The following PTPN4 variants were observed in gnomAD, a reference collection of about 807,000 sequenced individuals.
PTPN4 encodes the protein protein tyrosine phosphatase non-receptor type 4.
Under a neutral mutation model 135.5 loss-of-function variants are expected in PTPN4, and 49 were observed. That is an observed-to-expected ratio of 0.36 (90% CI 0.29 to 0.46). The LOEUF (loss-of-function observed/expected upper bound fraction) is 0.46. Among genes scored for constraint, PTPN4 ranks in the 20% least tolerant of loss-of-function variants. PTPN4 has a pLI of 1.00. For missense variants in PTPN4, 860 were observed against 1,101.0 expected, an observed-to-expected ratio of 0.78 and a Z score of 3.10; for synonymous variants, 333 against 369.9, an observed-to-expected ratio of 0.90 and a Z score of 1.14.
intron 3 of PTPN4, among the ~76,000 whole-genome samples, chr2:119,873,444 A>C (rs1677942464): frequency 6.6e-6 from 1 of 152,200 alleles, no homozygotes; most frequent in Admixed American, 6.5e-5. Flanking sequence ...ACGTTTTGGC[A>C]GATACAAAAA....
intron 2 of PTPN4, among the ~76,000 whole-genome samples, chr2:119,844,418 G>T (rs1247141641): frequency 6.7e-6 from 1 of 150,078 alleles, no homozygotes; most frequent in Non-Finnish European, 1.5e-5. Context: ...TTCCCAGATG[G>T]GGTGGCTGCT....
intron 1 of PTPN4, among the ~76,000 whole-genome samples, chr2:119,800,066 A>T (rs187432316): frequency 2.0e-4 from 30 of 152,274 alleles, no homozygotes; most frequent in Admixed American, 1.8e-3. Context: ...TTAAAGGAAA[A>T]ATGCGTAATG....
chr2:119,975,919 C>G (rs1253896417), intron 26 of PTPN4, among the ~76,000 whole-genome samples: 12 of 151,774 alleles, frequency 7.9e-5, no homozygotes, highest in Admixed American at 7.9e-4. Flanking sequence ...AGTCTCTGTC[C>G]CTCTCCTGCT....
chr2:119,945,033 C>G lies in PTPN4; in HGVS notation c.1356-48C>G, dbSNP rs780461555. On this transcript the variant is annotated intron_variant, in intron 15 of 26. Coordinates refer to ENST00000263708, the MANE Select transcript of PTPN4 (RefSeq NM_002830.4). ...AAATATGTGGGTTGCTTGACCCTAA[C>G]TTTTAAAAAAGTTATGAAACAACTT... The G allele has an allele frequency of 3.3e-6, 5 of 1,535,240 alleles. No homozygotes were observed. In the East Asian group the frequency reaches 1.2e-4, roughly 38 times the overall value.
intron 10 of PTPN4, among the ~76,000 whole-genome samples, chr2:119,913,269 T>C (rs1678600048): frequency 6.6e-6 from 1 of 152,166 alleles, no homozygotes; most frequent in African/African-American, 2.4e-5. Context: ...TTTTCAAACG[T>C]GGCTGCATCA....
chr2:119,840,285 T>C (rs1027029954), intron 2 of PTPN4, among the ~76,000 whole-genome samples: 1 of 152,156 alleles, frequency 6.6e-6, no homozygotes, highest in African/African-American at 2.4e-5. Context: ...CTCACAGGTC[T>C]CACAGGTGTT....
Position 119,977,226 on chromosome 2 carries a change from A to C in PTPN4, c.*156A>C. The stretch of plus-strand genomic sequence containing the variant: ...CAGCACTGTTGCACTTTATGTTTTA[A>C]AAAATGTCACTCTTTCAAAATCTAT... On this transcript the variant is annotated 3_prime_UTR_variant, in exon 27 of 27. Coordinates refer to ENST00000263708, the MANE Select transcript of PTPN4 (RefSeq NM_002830.4). 2 of 1,216,826 alleles carry C rather than the reference A, an allele frequency of 1.6e-6. No individual in the cohort carries two copies. Among genetic ancestry groups the C allele is most frequent in the Non-Finnish European group, 2.1e-6 (2 of 942,064 alleles). The allele number at this position is 1,216,826 out of a possible 1,614,324, so 75.4% of individuals were successfully genotyped here.
intron 10 of PTPN4, 63 bp downstream of exon 10, chr2:119,900,869 TA>T: frequency 1.0e-6 from 1 of 968,380 alleles, no homozygotes; most frequent in South Asian, 1.9e-5. Flanking sequence ...TAATTTATAT[TA>T]AAGGCAGTGG....
intron 1 of PTPN4, among the ~76,000 whole-genome samples, chr2:119,806,475 A>G (rs187309868): frequency 1.3e-3 from 200 of 152,344 alleles, no homozygotes; most frequent in African/African-American, 4.4e-3. Context: ...CAAAAGAGAC[A>G]AAGACGGCCA....
intron 2 of PTPN4, among the ~76,000 whole-genome samples, chr2:119,845,112 C>A (rs983076075): frequency 4.0e-5 from 6 of 148,640 alleles, no homozygotes; most frequent in South Asian, 4.3e-4. Flanking sequence ...CGTGGCGGCG[C>A]GAGCCTGCAA....
chr2:119,845,282 GAGAGGGA>G (rs1677478985), intron 2 of PTPN4, among the ~76,000 whole-genome samples: 1 of 142,828 alleles, frequency 7.0e-6, no homozygotes, highest in Non-Finnish European at 1.6e-5. Context: ...GAGGGAGAGG[GAGAGGGA>G]GAGGGAGAGG....
chr2:119,929,354 T>C (rs188174837), intron 13 of PTPN4, among the ~76,000 whole-genome samples: 3 of 152,190 alleles, frequency 2.0e-5, no homozygotes, highest in Non-Finnish European at 4.4e-5. Context: ...TCTTTTTTTT[T>C]CTTTGGGTTT....
At chr2:119,878,808 T>C (rs758147361) in intron 5 of PTPN4, among the ~76,000 whole-genome samples, 8 of 151,624 alleles carry the variant, frequency 5.3e-5, no homozygotes, top group Non-Finnish European at 7.4e-5. Flanking sequence ...AAAAACTAAG[T>C]TGTGGCCGGG....
chr2:119,830,378 A>G (rs938408383), intron 2 of PTPN4, among the ~76,000 whole-genome samples: 1 of 152,092 alleles, frequency 6.6e-6, no homozygotes, highest in Non-Finnish European at 1.5e-5. Flanking sequence ...TTGGATCATA[A>G]GGGTGGTTTC....
intron 1 of PTPN4, among the ~76,000 whole-genome samples, chr2:119,803,473 TTTTCTGTTGTC>T (rs1691410130): frequency 6.6e-6 from 1 of 152,198 alleles, no homozygotes; most frequent in African/African-American, 2.4e-5. Context: ...GTTTGGAGAT[TTTTCTGTTGTC>T]TTTCTGTTGT....
At chr2:119,932,608 G>A in intron 14 of PTPN4, 59 bp downstream of exon 14, 1 of 1,491,736 alleles carries the variant, frequency 6.7e-7, no homozygotes, top group Non-Finnish European at 9.1e-7. Context: ...CTAATTATTG[G>A]CTGTATATTT....
intron 19 of PTPN4, 33 bp from the exon 20 acceptor site, chr2:119,955,124 C>A: frequency 6.5e-7 from 1 of 1,544,668 alleles, no homozygotes; most frequent in South Asian, 1.2e-5. Flanking sequence ...AAGATTTCCA[C>A]GTTTTGGGGT....
rs936570673 is a variant in PTPN4 at position 119,777,728 on chromosome 2, C to T, written c.-18+17344C>T. On this transcript the variant is annotated intron_variant, in intron 1 of 26. Transcript: ENST00000263708. ...AGAATGCAGTGGCATGCTCACAGCT[C>T]ACTGCGGTCTCAACCTCCTAGCCTC... is the stretch of plus-strand genomic sequence containing the variant. Among the ~76,000 whole-genome samples the T allele has an allele frequency of 1.3e-5, 2 of 152,146 alleles. 1 individual carries two copies. Among genetic ancestry groups the T allele is most frequent in the South Asian group, 4.1e-4 (2 of 4,836 alleles).
At chr2:119,922,196 C>A in intron 12 of PTPN4, among the ~76,000 whole-genome samples, 1 of 126,506 alleles carries the variant, frequency 7.9e-6, no homozygotes, top group East Asian at 2.2e-4. Context: ...TTAATAAAAG[C>A]AAGTTCAAGG....
Sources: gnomAD v4.1 joint callset for allele counts (sites outside exome capture counted in the v4.1 genomes callset) on GRCh38, gnomAD v4.1.1 for gene constraint, MANE v1.5 for transcripts, NCBI Gene and HGNC (gene_info 2026-07-23, HGNC 2026-07-21) for gene names.